CEP350: variants seen among roughly 807,000 people sequenced by gnomAD.
The protein encoded by CEP350 is centrosomal protein 350, also known as centrosome-associated protein 350.
A neutral mutation model predicts 331.8 loss-of-function variants in CEP350; 126 were observed. The observed-to-expected ratio is 0.38, with a 90% CI of 0.33 to 0.44. The LOEUF is 0.44. Ranked by LOEUF, CEP350 falls within the 20% of genes least tolerant of loss-of-function variation. CEP350 has a pLI of 1.00. For synonymous variants in CEP350, 1,200 were observed against 1,259.5 expected (o/e 0.95, Z 1.00); for missense variants, 3,406 against 3,634.6 (o/e 0.94, Z 1.62).
chr1:179,964,390 A>T (rs1401557686), intron 1 of CEP350, among the ~76,000 whole-genome samples: 1 of 151,874 alleles, frequency 6.6e-6, no homozygotes, highest in Admixed American at 6.6e-5. Flanking sequence ...CATAGAGGGG[A>T]TGCTTCTAAC....
chr1:180,026,307 C>T (rs1655670103), intron 14 of CEP350, among the ~76,000 whole-genome samples: 1 of 151,712 alleles, frequency 6.6e-6, no homozygotes, highest in African/African-American at 2.4e-5. Context: ...ATTTATTTCA[C>T]TTTATCTTAT....
intron 28 of CEP350, among the ~76,000 whole-genome samples, chr1:180,077,636 G>A (rs1448573309): frequency 3.0e-5 from 4 of 132,058 alleles, no homozygotes; most frequent in African/African-American, 1.1e-4. Flanking sequence ...CTGCACTCCA[G>A]CCTGGGTGAC....
chr1:180,097,845 T>C (rs2149151569), intron 36 of CEP350, among the ~76,000 whole-genome samples: 1 of 152,376 alleles, frequency 6.6e-6, no homozygotes, highest in Middle Eastern at 3.4e-3. Flanking sequence ...CAAAGTCTTT[T>C]GCTTTTCTCA....
At chr1:179,988,616 A>C (rs1043820270) in intron 3 of CEP350, among the ~76,000 whole-genome samples, 7 of 152,068 alleles carry the variant, frequency 4.6e-5, no homozygotes, top group African/African-American at 1.7e-4. Flanking sequence ...AATCTTGTCT[A>C]AAGTTTAGGA....
intron 26 of CEP350, among the ~76,000 whole-genome samples, chr1:180,063,632 C>A (rs1438699718): frequency 6.6e-6 from 1 of 151,814 alleles, no homozygotes; most frequent in African/African-American, 2.4e-5. Flanking sequence ...GGCAACAGGG[C>A]GAAACTCCTA....
intron 1 of CEP350, chr1:179,968,738 A>T: frequency 1.7e-6 from 1 of 600,182 alleles, no homozygotes; most frequent in Non-Finnish European, 3.2e-6. Context: ...ACCAGCCTTG[A>T]CTTCCAAATG....
At chr1:180,006,592 C>A in intron 8 of CEP350, 25 bp downstream of exon 8, 1 of 1,104,426 alleles carries the variant, frequency 9.1e-7, no homozygotes. Context: ...CATGTCCATC[C>A]TTTTTTTTTG....
intron 29 of CEP350, 39 bp downstream of exon 29, chr1:180,078,713 A>G (rs1193995717): frequency 4.0e-6 from 6 of 1,514,760 alleles, no homozygotes; most frequent in Non-Finnish European, 5.3e-6. Context: ...GATTCTCTAG[A>G]AAAAAAACTG....
chr1:180,018,506 G>C (rs1156650102), intron 11 of CEP350, among the ~76,000 whole-genome samples: 1 of 152,174 alleles, frequency 6.6e-6, no homozygotes, highest in Non-Finnish European at 1.5e-5. Flanking sequence ...GGCCCCAATA[G>C]CCTCACACTT....
intron 37 of CEP350, among the ~76,000 whole-genome samples, chr1:180,105,360 C>T (rs1039202599): frequency 1.3e-5 from 2 of 152,028 alleles, no homozygotes; most frequent in African/African-American, 4.8e-5. Flanking sequence ...GCTTTGACTA[C>T]GATCTGTATG....
intron 7 of CEP350, 32 bp downstream of exon 7, chr1:180,003,319 T>A (rs1325642379): frequency 7.4e-7 from 1 of 1,346,014 alleles, no homozygotes; most frequent in East Asian, 2.3e-5. Context: ...GTTTTGAGTA[T>A]TTTGTCATAC....
intron 37 of CEP350, among the ~76,000 whole-genome samples, chr1:180,104,943 A>G (rs1317481637): frequency 6.6e-6 from 1 of 152,092 alleles, no homozygotes; most frequent in African/African-American, 2.4e-5. Context: ...TTCCATTAGC[A>G]TACCAACTCA....
intron 1 of CEP350, among the ~76,000 whole-genome samples, chr1:179,975,850 A>G (rs1320383006): frequency 6.6e-6 from 1 of 152,196 alleles, no homozygotes; most frequent in Non-Finnish European, 1.5e-5. Flanking sequence ...CATTTAGGAA[A>G]TAAAGCCATG....
At position 180,075,582 on chromosome 1, in the gene CEP350, A is replaced by T. The variant is rs980788566; in HGVS notation, c.5767+361A>T. On this transcript the variant is annotated intron_variant, in intron 28 of 37. Transcript: ENST00000367607. Reference sequence around the variant, plus strand: ...GAGACTCTGTCTCTAAAAATAAAATAAAATTAAAATGCAAATGATTGAGGT... The same window carrying T: ...GAGACTCTGTCTCTAAAAATAAAATTAAATTAAAATGCAAATGATTGAGGT... Among the ~76,000 whole-genome samples the T allele has an allele frequency of 3.9e-5, 6 of 152,142 alleles. No homozygotes were observed. The East Asian group carries it at 5.8e-4, about 15-fold the overall frequency.
intron 22 of CEP350, among the ~76,000 whole-genome samples, chr1:180,049,858 G>C (rs895855434): frequency 6.6e-6 from 1 of 152,026 alleles, no homozygotes; most frequent in African/African-American, 2.4e-5. Context: ...CCCTCTTAAA[G>C]CAAGTAAAAT....
rs545548547 is a variant in CEP350, at chr1:179,997,765, C to T, written c.1018+590C>T. Among the ~76,000 whole-genome samples, 122 of 152,084 alleles carry T rather than the reference C, an allele frequency of 8.0e-4. 1 individual carries two copies. The highest frequency in any genetic ancestry group is 2.9e-3 in the African/African-American group (119 of 41,510). ...TTTCAAAGAACTGAAAGAATAATGC[C>T]TTTATGCTGCCATTGTATTTGGATT... On this transcript the variant is annotated intron_variant, in intron 6 of 37. Coordinates refer to ENST00000367607, the MANE Select transcript of CEP350 (RefSeq NM_014810.5).
At chr1:179,956,212 T>A (rs1650159682) in intron 1 of CEP350, among the ~76,000 whole-genome samples, 1 of 152,244 alleles carries the variant, frequency 6.6e-6, no homozygotes, top group Non-Finnish European at 1.5e-5. Context: ...TTCGGTGTGC[T>A]AAATTGACAA....
chr1:180,009,149 A>G (rs901343673), intron 8 of CEP350, among the ~76,000 whole-genome samples: 3 of 152,198 alleles, frequency 2.0e-5, no homozygotes, highest in Admixed American at 6.5e-5. Flanking sequence ...AGCTGGGATT[A>G]CAGGCATGTG....
At chr1:179,959,092 A>G (rs1204339769) in intron 1 of CEP350, among the ~76,000 whole-genome samples, 1 of 149,202 alleles carries the variant, frequency 6.7e-6, no homozygotes, top group Non-Finnish European at 1.5e-5. Context: ...GTATTTTTGA[A>G]TGTGATTTTT....
Sources: gnomAD v4.1 joint callset for allele counts (sites outside exome capture counted in the v4.1 genomes callset) on GRCh38, gnomAD v4.1.1 for gene constraint, MANE v1.5 for transcripts, NCBI Gene and HGNC (gene_info 2026-07-23, HGNC 2026-07-21) for gene names.